FAT3: variants seen among roughly 807,000 people sequenced by gnomAD.
FAT3 encodes the protein protocadherin Fat 3.
FAT3 carries 95 observed loss-of-function variants against 310.2 expected under a neutral mutation model. The observed-to-expected ratio is 0.31, with a 90% CI of 0.26 to 0.36. The LOEUF (loss-of-function observed/expected upper bound fraction) is 0.36, where lower values mean the gene tolerates loss of function less well. Among genes scored for constraint, FAT3 ranks in the 10% least tolerant of loss-of-function variants. The probability of loss-of-function intolerance (pLI) is 1.00; values close to 1 mark genes in which losing one functional copy is unlikely to be tolerated. For synonymous variants in FAT3, 2,314 were observed against 2,192.9 expected (o/e 1.06, Z -1.54); for missense variants, 5,408 against 5,715.6 (o/e 0.95, Z 1.74).
chr11:92,481,314 T>C (rs1178350910), intron 2 of FAT3, among the ~76,000 whole-genome samples: 7 of 110,282 alleles, frequency 6.3e-5, no homozygotes, highest in Middle Eastern at 5.1e-3. Flanking sequence ...TTATATTATT[T>C]ATTGGGATGC....
At chr11:92,395,414 A>T (rs189982322) in intron 2 of FAT3, among the ~76,000 whole-genome samples, 7 of 152,252 alleles carry the variant, frequency 4.6e-5, no homozygotes, top group Admixed American at 1.3e-4. Context: ...CCAAGGCTGT[A>T]TGCAATTATG....
At chr11:92,858,442 A>G (rs1273035237) in intron 20 of FAT3, among the ~76,000 whole-genome samples, 2 of 152,210 alleles carry the variant, frequency 1.3e-5, no homozygotes, top group South Asian at 2.1e-4. Flanking sequence ...CTGATTGTCT[A>G]TAATTATTGT....
At chr11:92,557,353 G>A (rs2135457919) in intron 3 of FAT3, among the ~76,000 whole-genome samples, 1 of 152,178 alleles carries the variant, frequency 6.6e-6, no homozygotes, top group East Asian at 1.9e-4. Context: ...CTGTGCCCGG[G>A]CTGATGACTT....
chr11:92,674,040 G>A (rs957606467), intron 3 of FAT3, among the ~76,000 whole-genome samples: 1 of 151,976 alleles, frequency 6.6e-6, no homozygotes, highest in African/African-American at 2.4e-5. Flanking sequence ...AATTAGCCGG[G>A]TGTGGTGGCA....
intron 2 of FAT3, among the ~76,000 whole-genome samples, chr11:92,448,867 T>C (rs1591305373): frequency 6.6e-6 from 1 of 152,332 alleles, no homozygotes; most frequent in South Asian, 2.1e-4. Context: ...TTTTTCATGC[T>C]GCTATTCTAG....
At chr11:92,744,679 GT>G (rs956565826) in intron 4 of FAT3, among the ~76,000 whole-genome samples, 12 of 151,918 alleles carry the variant, frequency 7.9e-5, no homozygotes, top group Non-Finnish European at 1.5e-4. Flanking sequence ...TGGTGGGCCA[GT>G]TTTTTTTAAT....
intron 1 of FAT3, among the ~76,000 whole-genome samples, chr11:92,293,048 GGA>G (rs1946733712): frequency 7.0e-6 from 1 of 142,796 alleles, no homozygotes; most frequent in African/African-American, 2.8e-5. Flanking sequence ...AAGGAAGGAA[GGA>G]AGGAAGGAAG....
intron 4 of FAT3, among the ~76,000 whole-genome samples, chr11:92,699,753 T>C (rs1003652508): frequency 6.6e-6 from 1 of 152,216 alleles, no homozygotes; most frequent in Admixed American, 6.5e-5. Context: ...AATTAACAAC[T>C]TTATAGGGTT....
At chr11:92,590,072 T>C (rs145953532) in intron 3 of FAT3, among the ~76,000 whole-genome samples, 1 of 152,268 alleles carries the variant, frequency 6.6e-6, no homozygotes, top group African/African-American at 2.4e-5. Flanking sequence ...GTCATTCCAA[T>C]AAGTTTTCTC....
intron 13 of FAT3, among the ~76,000 whole-genome samples, chr11:92,815,104 C>T (rs1483087648): frequency 6.6e-6 from 1 of 152,076 alleles, no homozygotes; most frequent in Non-Finnish European, 1.5e-5. Context: ...GGAAATGAAC[C>T]ATTGAGCACA....
Position 92,354,920 on chromosome 11 carries a change from C to T in FAT3, c.2808C>T (p.Phe936=). Residue 936 remains phenylalanine (F), a synonymous_variant, in exon 2 of 28, where the codon TTC becomes TTT. Transcript: ENST00000525166. ...ATGTCAATGACTGCTCCCCAGCTTT[C>T]ATTCCCAGTAGCTATAGTGTGAAGG... is the stretch of plus-strand genomic sequence containing the variant. The part of the protein sequence containing the change: ...LDDVNDCSPA[F]IPSSYSVKVL... 1 of 1,613,912 alleles carries T rather than the reference C, an allele frequency of 6.2e-7. No homozygotes were observed. Among genetic ancestry groups the T allele is most frequent in the Non-Finnish European group, 8.5e-7 (1 of 1,179,872 alleles).
chr11:92,857,448 T>C (rs1949009687), intron 20 of FAT3, 100 bp downstream of exon 20: 4 of 1,504,498 alleles, frequency 2.7e-6, no homozygotes, highest in Non-Finnish European at 3.6e-6. Context: ...AAAACGTTTC[T>C]TTATGCATGC....
chr11:92,485,316 C>G (rs558850), intron 2 of FAT3, among the ~76,000 whole-genome samples: 70,178 of 152,034 alleles, frequency 0.46, 16,858 homozygotes, highest in East Asian at 0.7. Flanking sequence ...CATATGTGCC[C>G]TCCGCCTCAT....
At chr11:92,853,646 G>A (rs539860104) in intron 19 of FAT3, among the ~76,000 whole-genome samples, 122 of 152,234 alleles carry the variant, frequency 8.0e-4, no homozygotes, top group African/African-American at 2.8e-3. Context: ...CAGGAGCCCC[G>A]CGGTGGGTAG....
intron 13 of FAT3, among the ~76,000 whole-genome samples, chr11:92,819,808 G>A (rs990252859): frequency 3.3e-5 from 5 of 152,118 alleles, no homozygotes; most frequent in Non-Finnish European, 1.5e-5. Context: ...ATTTATACTG[G>A]TTACAAAACC....
intron 2 of FAT3, among the ~76,000 whole-genome samples, chr11:92,428,167 T>G (rs1291015410): frequency 1.3e-5 from 2 of 152,148 alleles, no homozygotes; most frequent in Admixed American, 1.3e-4. Flanking sequence ...TGCCTAGAAG[T>G]GTTTATAGTA....
At chr11:92,677,546 T>C (rs1462687300) in intron 3 of FAT3, among the ~76,000 whole-genome samples, 1 of 152,206 alleles carries the variant, frequency 6.6e-6, no homozygotes, top group Non-Finnish European at 1.5e-5. Context: ...ACAGAATACC[T>C]GAGAATAGGT....
intron 2 of FAT3, among the ~76,000 whole-genome samples, chr11:92,385,601 G>T (rs493953): frequency 5.9e-5 from 9 of 151,674 alleles, no homozygotes; most frequent in African/African-American, 2.2e-4. Context: ...CTCCTGGCCT[G>T]AGGTGATCCA....
intron 1 of FAT3, among the ~76,000 whole-genome samples, chr11:92,243,456 G>T (rs954056138): frequency 1.3e-5 from 2 of 151,342 alleles, no homozygotes; most frequent in Non-Finnish European, 3.0e-5. Flanking sequence ...TTTGTTGAAA[G>T]CCTTGATTTA....
Sources: gnomAD v4.1 joint callset for allele counts (sites outside exome capture counted in the v4.1 genomes callset) on GRCh38, gnomAD v4.1.1 for gene constraint, MANE v1.5 for transcripts, NCBI Gene and HGNC (gene_info 2026-07-23, HGNC 2026-07-21) for gene names.